The following NTRK3 variants were observed in gnomAD, a reference collection of about 807,000 sequenced individuals.
The protein encoded by NTRK3 is NT-3 growth factor receptor.
Under a neutral mutation model 91.7 loss-of-function variants are expected in NTRK3, and 24 were observed. The observed-to-expected ratio is 0.26, with a 90% confidence interval of 0.19 to 0.37. The LOEUF (loss-of-function observed/expected upper bound fraction) is 0.37, where lower values mean the gene tolerates loss of function less well. Among genes scored for constraint, NTRK3 ranks in the 10% least tolerant of loss-of-function variants. NTRK3 has a pLI of 1.00. For missense variants in NTRK3, 880 were observed against 1,068.9 expected (o/e 0.82, Z 2.46); for synonymous variants, 483 against 404.0 (o/e 1.20, Z -2.34).
chr15:88,126,290 C>T (rs373822050), exon 13 of NTRK3: 1 of 1,613,844 alleles, frequency 6.2e-7, no homozygotes, highest in Non-Finnish European at 8.5e-7. Context: ...CAAATTTGGA[C>T]CGTCGACCAT....
At chr15:87,886,694 AT>A (rs1044625891) in intron 17 of NTRK3, among the ~76,000 whole-genome samples, 1 of 141,868 alleles carries the variant, frequency 7.0e-6, no homozygotes, top group African/African-American at 2.6e-5. Context: ...ATATATATAT[AT>A]ATATACATAT....
chr15:88,025,312 C>T (rs2141934924), intron 14 of NTRK3, among the ~76,000 whole-genome samples: 1 of 152,358 alleles, frequency 6.6e-6, no homozygotes, highest in East Asian at 1.9e-4. Context: ...AAAACCTGCA[C>T]ATGAATGTTT....
chr15:87,884,817 A>T (rs1416765613), intron 17 of NTRK3, among the ~76,000 whole-genome samples: 1 of 151,856 alleles, frequency 6.6e-6, no homozygotes, highest in South Asian at 2.1e-4. Context: ...ATAGAAGGTA[A>T]CTTCCTTTAT....
chr15:87,944,449 C>T (rs1257444542), intron 14 of NTRK3, among the ~76,000 whole-genome samples: 2 of 152,226 alleles, frequency 1.3e-5, no homozygotes, highest in African/African-American at 4.8e-5. Flanking sequence ...TCCTGAGAGA[C>T]TGAGAGATAA....
chr15:88,054,887 G>C (rs528935377), intron 13 of NTRK3, among the ~76,000 whole-genome samples: 3 of 152,216 alleles, frequency 2.0e-5, no homozygotes, highest in Non-Finnish European at 2.9e-5. Context: ...ACTTCCATGA[G>C]AAAGGTACTC....
At chr15:87,863,241 A>G (rs1235231501) in exon 19 of NTRK3, 8 of 226,714 alleles carry the variant, frequency 3.5e-5, no homozygotes, top group Non-Finnish European at 5.3e-5. Flanking sequence ...TGAAAGATGT[A>G]AGAACCTTAA....
At chr15:88,045,285 A>C (rs2142197894) in intron 13 of NTRK3, among the ~76,000 whole-genome samples, 1 of 152,322 alleles carries the variant, frequency 6.6e-6, no homozygotes, top group East Asian at 1.9e-4. Flanking sequence ...AAAAGCAGTA[A>C]GGAACCTGTC....
chr15:88,200,933 C>A (rs117105661), intron 3 of NTRK3, among the ~76,000 whole-genome samples: 272 of 152,328 alleles, frequency 1.8e-3, no homozygotes, highest in Non-Finnish European at 3.5e-3. Context: ...CTCAGCTAGG[C>A]TCTAACAATG....
intron 14 of NTRK3, among the ~76,000 whole-genome samples, chr15:87,984,339 T>G (rs1171365406): frequency 2.6e-5 from 4 of 152,236 alleles, no homozygotes. Flanking sequence ...GCCTGTATGG[T>G]GGCCCTTCTA....
chr15:88,185,242 C>G (rs2046852017), intron 3 of NTRK3, among the ~76,000 whole-genome samples: 1 of 152,260 alleles, frequency 6.6e-6, no homozygotes, highest in South Asian at 2.1e-4. Flanking sequence ...CAATATAAAT[C>G]ACTATTAACC....
chr15:87,966,798 C>A (rs1035872532), intron 14 of NTRK3, among the ~76,000 whole-genome samples: 2 of 152,270 alleles, frequency 1.3e-5, no homozygotes, highest in East Asian at 1.9e-4. Context: ...GGACTTTTGG[C>A]AGCTAAAGGA....
chr15:88,024,462 G>A (rs1033199068), intron 14 of NTRK3, among the ~76,000 whole-genome samples: 9 of 152,168 alleles, frequency 5.9e-5, no homozygotes, highest in African/African-American at 1.9e-4. Context: ...TTTGTTGACT[G>A]ACTGAAGGAG....
intron 17 of NTRK3, among the ~76,000 whole-genome samples, chr15:87,888,281 G>T (rs370601579): frequency 3.3e-4 from 50 of 152,178 alleles, no homozygotes; most frequent in Admixed American, 5.9e-4. Flanking sequence ...ACCACTCCTG[G>T]TACACTACGG....
intron 13 of NTRK3, chr15:88,098,788 G>C (rs1040892881): frequency 3.0e-5 from 7 of 232,960 alleles, no homozygotes; most frequent in African/African-American, 1.1e-4. Flanking sequence ...GGGAGAGATG[G>C]AGTGTGAAAG....
intron 13 of NTRK3, among the ~76,000 whole-genome samples, chr15:88,057,168 CAAAA>C (rs547432747): frequency 1.7e-5 from 1 of 59,154 alleles, no homozygotes; most frequent in Non-Finnish European, 3.4e-5. Flanking sequence ...AACTCCGTCT[CAAAA>C]AAAAAAAAAA....
intron 14 of NTRK3, among the ~76,000 whole-genome samples, chr15:87,953,005 G>T (rs990601246): frequency 6.6e-6 from 1 of 152,130 alleles, no homozygotes; most frequent in Non-Finnish European, 1.5e-5. Context: ...GTTCCGCAAG[G>T]CCTCCGCGAT....
rs569925509 is a variant in NTRK3, at chr15:88,166,188, A to G, written c.395+17230T>C. 3.3e-5 allele frequency among the ~76,000 whole-genome samples: 5 copies of G among 152,288 alleles called. No homozygotes were observed. The South Asian group carries it at 8.3e-4, about 25-fold the overall frequency. Reference sequence around the variant, plus strand: ...CCTGCTCAGGATCCTTTGGAATCCTACAGCCCTAGATAATTCCTCAATGCA... The same window carrying G: ...CCTGCTCAGGATCCTTTGGAATCCTGCAGCCCTAGATAATTCCTCAATGCA... On this transcript the variant is annotated intron_variant, in intron 5 of 18. Coordinates refer to ENST00000394480, the Ensembl canonical transcript of NTRK3.
chr15:87,870,999 T>C (rs913554695), exon 19 of NTRK3: 14 of 230,942 alleles, frequency 6.1e-5, no homozygotes, highest in African/African-American at 2.7e-4. Context: ...CCAAGCTCAC[T>C]GGTTCAAGAC....
At chr15:88,115,898 G>A (rs1245946329) in intron 13 of NTRK3, among the ~76,000 whole-genome samples, 4 of 152,218 alleles carry the variant, frequency 2.6e-5, no homozygotes, top group Admixed American at 2.0e-4. Flanking sequence ...CCACTCCGGG[G>A]CCTGCCAGCA....
Sources: gnomAD v4.1 joint callset for allele counts (sites outside exome capture counted in the v4.1 genomes callset) on GRCh38, gnomAD v4.1.1 for gene constraint, MANE v1.5 for transcripts, NCBI Gene and HGNC (gene_info 2026-07-23, HGNC 2026-07-21) for gene names.